ZNF333: variants seen among roughly 807,000 people sequenced by gnomAD.
The protein encoded by ZNF333 is zinc finger protein 333.
Under a neutral mutation model 76.1 loss-of-function variants are expected in ZNF333, and 61 were observed. That is an observed-to-expected ratio of 0.80 (90% CI 0.65 to 0.99). The LOEUF (loss-of-function observed/expected upper bound fraction) is 0.99. Ranked by LOEUF, ZNF333 falls within the 50% of genes least tolerant of loss-of-function variation. The pLI is 0.00. For missense variants in ZNF333, 717 were observed against 822.4 expected, an observed-to-expected ratio of 0.87 and a Z score of 1.57; for synonymous variants, 284 against 305.0, an observed-to-expected ratio of 0.93 and a Z score of 0.72.
At chr19:14,706,030 C>T in intron 6 of ZNF333, 1 of 451,078 alleles carries the variant, frequency 2.2e-6, no homozygotes, top group Admixed American at 2.4e-5. Flanking sequence ...ATGTACCCCC[C>T]AACCTCCCAT....
Position 14,718,830 on chromosome 19 carries a change from C to T in ZNF333, c.1503C>T (p.Thr501=), listed in dbSNP as rs2042516390. ...TGAAGACACATCTGCGAACCCATAC[C>T]AGAGAGAAACCATATGAATGCAACC... ...SSLKTHLRTH[T]REKPYECNQC... Residue 501 remains threonine, a synonymous_variant, in exon 12 of 12, where the codon ACC becomes ACT. Coordinates refer to ENST00000292530, the MANE Select transcript of ZNF333 (RefSeq NM_032433.4). The T allele has an allele frequency of 6.2e-7, 1 of 1,613,634 alleles. No individual in the cohort carries two copies. The highest frequency in any genetic ancestry group is 1.3e-5 in the African/African-American group (1 of 74,750).
downstream of ZNF333, among the ~76,000 whole-genome samples, chr19:14,725,924 A>C (rs1379823583): frequency 6.6e-6 from 1 of 152,204 alleles, no homozygotes; most frequent in Non-Finnish European, 1.5e-5. Flanking sequence ...TCCACTAGGC[A>C]GTGCCCTGGT....
At chr19:14,713,432 CTGG>C (rs140216385) in intron 7 of ZNF333, among the ~76,000 whole-genome samples, 4,774 of 152,106 alleles carry the variant, frequency 0.031, 238 homozygotes, top group African/African-American at 0.099. Flanking sequence ...GATACATGGT[CTGG>C]TGTTCAGATG....
chr19:14,720,267 T>A lies in ZNF333; in HGVS notation c.*942T>A. The A allele has an allele frequency of 2.0e-6, 2 of 985,352 alleles. No homozygotes were observed. Among genetic ancestry groups the A allele is most frequent in the African/African-American group, 3.5e-5 (2 of 57,326 alleles). 61.0% of individuals were successfully genotyped at this position (985,352 alleles called of 1,614,324 possible). A position where few individuals can be genotyped will look rare whatever the true frequency, so the allele number is the denominator to read the frequency against. On this transcript the variant is annotated 3_prime_UTR_variant, in exon 12 of 12. Transcript: ENST00000292530. ...GCAGGCCATTTCCTCCGGTCCTGGC[T>A]AGTATGAATATGAGAAGTCACTGGA...
intron 5 of ZNF333, 83 bp downstream of exon 5, chr19:14,699,364 G>T: frequency 8.2e-7 from 1 of 1,226,600 alleles, no homozygotes; most frequent in South Asian, 1.2e-5. Context: ...ACCAGAGCCA[G>T]GGAGATGTTA....
intron 7 of ZNF333, among the ~76,000 whole-genome samples, chr19:14,709,909 G>A (rs1445318462): frequency 6.6e-6 from 1 of 152,238 alleles, no homozygotes; most frequent in Admixed American, 6.5e-5. Context: ...TGTCCCCTGG[G>A]GGTCAAACCC....
At chr19:14,723,529 A>G (rs971734625), downstream of ZNF333, among the ~76,000 whole-genome samples, 71 of 152,224 alleles carry the variant, frequency 4.7e-4, no homozygotes, top group African/African-American at 1.6e-3. Context: ...TCTTTCAGCA[A>G]TGCTTTTTAG....
At chr19:14,728,828 A>G (rs1234607535) in intron 11 of ZNF333, among the ~76,000 whole-genome samples, 1 of 152,204 alleles carries the variant, frequency 6.6e-6, no homozygotes, top group Admixed American at 6.5e-5. Context: ...CACGTCAATC[A>G]AGATCCAAGA....
At chr19:14,724,007 C>A (rs1176709150), downstream of ZNF333, among the ~76,000 whole-genome samples, 1 of 152,186 alleles carries the variant, frequency 6.6e-6, no homozygotes, top group African/African-American at 2.4e-5. Flanking sequence ...GGGCATTCTG[C>A]AGGTGGGCCC....
intron 11 of ZNF333, chr19:14,731,129 TCTCTTCTCTTTCC>T: frequency 6.6e-7 from 1 of 1,524,324 alleles, no homozygotes; most frequent in Non-Finnish European, 8.8e-7. Context: ...TCATTCAATT[TCTCTTCTCTTTCC>T]CTCATTCTTC....
At chr19:14,694,884 T>C in intron 2 of ZNF333, 126 bp from the exon 3 acceptor site, 1 of 1,430,770 alleles carries the variant, frequency 7.0e-7, no homozygotes, top group Non-Finnish European at 9.5e-7. Flanking sequence ...TTTACAAAAA[T>C]AGGCTTTAGG....
Position 14,718,712 on chromosome 19 carries a change from C to A in ZNF333, c.1385C>A (p.Pro462Gln). 6.2e-7 allele frequency: 1 copy of A among 1,613,932 alleles called. No homozygotes were observed. Residue 462 changes from proline (P) to glutamine (Q), a missense_variant, in exon 12 of 12, where the codon CCA becomes CAA. Coordinates refer to ENST00000292530, the MANE Select transcript of ZNF333 (RefSeq NM_032433.4). ...CKDCGKAFNQ[P>Q]SSLRSHVRTH... ...GATTGTGGGAAAGCCTTCAATCAGC[C>A]ATCATCCCTCAGGAGCCACGTGAGA...
At chr19:14,705,355 T>C (rs573422085) in intron 6 of ZNF333, among the ~76,000 whole-genome samples, 185 bp downstream of exon 6, 1 of 152,182 alleles carries the variant, frequency 6.6e-6, no homozygotes, top group African/African-American at 2.4e-5. Context: ...CCCAGGGTGA[T>C]GGCGGGCTCC....
Position 14,717,790 on chromosome 19 carries a change from A to AC in ZNF333, c.900+59dup, listed in dbSNP as rs879424364. 5.2e-6 allele frequency: 8 copies of AC among 1,553,292 alleles called. No individual in the cohort carries two copies. In the African/African-American group the frequency reaches 1.1e-4, roughly 21 times the overall value. On this transcript the variant is annotated intron_variant, in intron 11 of 11. Coordinates refer to ENST00000292530, the MANE Select transcript of ZNF333 (RefSeq NM_032433.4). Reference sequence around the variant, plus strand: ...CTATAGTAGGATGAGTCTGGGGTTAACCGTAAGTTAGAAAAGCAGCCCAAG... The same window carrying AC: ...CTATAGTAGGATGAGTCTGGGGTTAACCCGTAAGTTAGAAAAGCAGCCCAAG...
At chr19:14,707,306 C>T (rs2042139662) in intron 7 of ZNF333, 1 of 151,096 alleles carries the variant, frequency 6.6e-6, no homozygotes, top group Non-Finnish European at 1.5e-5. Flanking sequence ...ACTTAAGAGG[C>T]TGAGGCAGGA....
At chr19:14,708,331 GT>G in intron 7 of ZNF333, 1 of 401,108 alleles carries the variant, frequency 2.5e-6, no homozygotes, top group Non-Finnish European at 4.4e-6. Context: ...CTTGAAGCGG[GT>G]AACACCACTA....
chr19:14,703,800 A>C (rs535765223), intron 5 of ZNF333, among the ~76,000 whole-genome samples: 6 of 152,254 alleles, frequency 3.9e-5, no homozygotes, highest in African/African-American at 1.4e-4. Context: ...AGAGTGAGAT[A>C]AGGAGCTGGT....
intron 10 of ZNF333, 27 bp from the exon 11 acceptor site, chr19:14,717,630 A>G: frequency 6.2e-7 from 1 of 1,603,508 alleles, no homozygotes; most frequent in East Asian, 2.2e-5. Context: ...CTGTGTGCTT[A>G]ACTTTTTCTT....
Position 14,719,982 on chromosome 19 carries a change from T to G in ZNF333, c.*657T>G. ...TGGGGGATCACCTGAGGTCAGGAGT[T>G]CGAGATCAGCCTGGCCAACATGGTG... On this transcript the variant is annotated 3_prime_UTR_variant, in exon 12 of 12. Coordinates refer to ENST00000292530, the MANE Select transcript of ZNF333 (RefSeq NM_032433.4). The G allele has an allele frequency of 2.1e-6, 2 of 930,474 alleles. No homozygotes were observed. Among genetic ancestry groups the G allele is most frequent in the Non-Finnish European group, 2.6e-6 (2 of 779,932 alleles). 57.6% of individuals were successfully genotyped at this position (930,474 alleles called of 1,614,324 possible).
Sources: allele counts gnomAD v4.1 joint callset (sites outside exome capture counted in the v4.1 genomes callset), GRCh38; gene constraint gnomAD v4.1.1; transcripts MANE v1.5; gene names NCBI Gene and HGNC (gene_info 2026-07-23, HGNC 2026-07-21).